Variants in PPP2R2D observed in about 807,000 individuals in gnomAD.
The protein encoded by PPP2R2D is serine/threonine-protein phosphatase 2A 55 kDa regulatory subunit B delta isoform.
A neutral mutation model predicts 31.1 loss-of-function variants in PPP2R2D; 9 were observed. The ratio of observed to expected loss-of-function variants is 0.29; its 90% confidence interval spans 0.17 to 0.51. The LOEUF is 0.51. Among genes scored for constraint, PPP2R2D ranks in the 20% least tolerant of loss-of-function variants. The pLI, the probability that PPP2R2D is intolerant of heterozygous loss-of-function variation, is 0.98. For missense variants in PPP2R2D, 391 were observed against 465.6 expected (o/e 0.84, Z 1.48); for synonymous variants, 179 against 172.6 (o/e 1.04, Z -0.29).
chr10:131,949,777 T>C (rs1554898576), intron 8 of PPP2R2D, among the ~76,000 whole-genome samples: 1 of 119,586 alleles, frequency 8.4e-6, no homozygotes, highest in East Asian at 2.5e-4. Context: ...TGGAAAGGAG[T>C]CAGAGAACAT....
At chr10:131,937,944 C>T (rs145596461) in intron 3 of PPP2R2D, among the ~76,000 whole-genome samples, 306 of 152,268 alleles carry the variant, frequency 2.0e-3, no homozygotes, top group Non-Finnish European at 2.5e-3. Context: ...AGCTCCTGCC[C>T]GTGGAGGCTT....
intron 2 of PPP2R2D, among the ~76,000 whole-genome samples, chr10:131,902,464 C>T (rs1324194412): frequency 6.6e-6 from 1 of 152,132 alleles, no homozygotes; most frequent in Non-Finnish European, 1.5e-5. Flanking sequence ...AGATTCTGCG[C>T]CCCCTGGGAC....
At position 131,901,460 on chromosome 10, in the gene PPP2R2D, AGGGGCCGAGCTG is replaced by A. The variant is rs2119680741; in HGVS notation, c.100+138_100+149del. ...ATGGGGGCCGGGCGGGGCAGGGGCC[AGGGGCCGAGCTG>A]GGGGCCGTGATCGGGGGGCGGCCGT... On this transcript the variant is annotated intron_variant, in intron 2 of 8. Coordinates refer to ENST00000455566, the MANE Select transcript of PPP2R2D (RefSeq NM_018461.5). 6 of 319,492 alleles carry A rather than the reference AGGGGCCGAGCTG, an allele frequency of 1.9e-5. No individual in the cohort carries two copies. In the East Asian group the frequency reaches 2.9e-4, roughly 15 times the overall value. 19.8% of individuals were successfully genotyped at this position (319,492 alleles called of 1,614,324 possible). A position where few individuals can be genotyped will look rare whatever the true frequency, so the allele number is the denominator to read the frequency against.
At chr10:131,919,098 G>C (rs373341080) in intron 2 of PPP2R2D, among the ~76,000 whole-genome samples, 10 of 96,088 alleles carry the variant, frequency 1.0e-4, no homozygotes, top group South Asian at 4.0e-4. Context: ...TTGTAGGGAC[G>C]TCAGGCGGCT....
At chr10:131,961,855 A>C (rs2036924840), downstream of PPP2R2D, among the ~76,000 whole-genome samples, 1 of 151,766 alleles carries the variant, frequency 6.6e-6, no homozygotes. Context: ...CATTATCTTA[A>C]GGACTGACAG....
At chr10:131,902,485 T>G (rs1170289360) in intron 2 of PPP2R2D, among the ~76,000 whole-genome samples, 4 of 152,182 alleles carry the variant, frequency 2.6e-5, no homozygotes, top group African/African-American at 9.7e-5. Context: ...AAACAGGGCC[T>G]AGGTTATTAA....
Position 131,945,365 on chromosome 10 carries a change from G to A in PPP2R2D, c.726G>A (p.Pro242=), listed in dbSNP as rs546890110. 1.7e-5 allele frequency: 27 copies of A among 1,614,152 alleles called. No individual in the cohort carries two copies. The East Asian group carries it at 5.1e-4, about 31-fold the overall frequency. The change falls in exon 7 of 9, where the codon CCG becomes CCA. Residue 242 remains proline, a synonymous_variant. Coordinates refer to ENST00000455566, the MANE Select transcript of PPP2R2D (RefSeq NM_018461.5). The surrounding 1 kb of genome is among the most constrained non-coding windows in gnomAD (Gnocchi z 4.8). ...TEVITAAEFH[P]HQCNVFVYSS... ...TCATCACTGCAGCCGAGTTCCACCC[G>A]CACCAGTGCAACGTGTTCGTCTACA...
chr10:131,948,105 G>A (rs1554898307), intron 8 of PPP2R2D, among the ~76,000 whole-genome samples: 1 of 152,172 alleles, frequency 6.6e-6, no homozygotes, highest in African/African-American at 2.4e-5. Flanking sequence ...GAGTGAAAAG[G>A]AAGGAAGTGG....
intron 8 of PPP2R2D, among the ~76,000 whole-genome samples, chr10:131,952,243 TGGG>T (rs1554898929): frequency 0.012 from 206 of 17,330 alleles, 6 homozygotes; most frequent in Middle Eastern, 0.11. Context: ...AGCAGTGACT[TGGG>T]GGGTCCCTGT....
chr10:131,937,403 A>G (rs1554896653), intron 3 of PPP2R2D, among the ~76,000 whole-genome samples: 1 of 152,182 alleles, frequency 6.6e-6, no homozygotes, highest in African/African-American at 2.4e-5. Context: ...AGAAATCAGC[A>G]CGTCCAAAAA....
chr10:131,945,148 A>G lies in PPP2R2D; in HGVS notation c.656-147A>G. 1.1e-6 allele frequency: 1 copy of G among 914,028 alleles called. No homozygotes were observed. Among genetic ancestry groups the G allele is most frequent in the Non-Finnish European group, 1.6e-6 (1 of 629,852 alleles). The allele number at this position is 914,028 out of a possible 1,614,324, so 56.6% of individuals were successfully genotyped here. ...ATCCCCTTACCAGGCGCTCCTTTGG[A>G]ATTCGGGATGTGTAACCAGCCTTCT... On this transcript the variant is annotated intron_variant, in intron 6 of 8. Transcript: ENST00000455566. This position sits in a 1 kb window ranked among gnomAD's most constrained non-coding sequence, Gnocchi z 4.8.
rs540356443 is a variant in PPP2R2D at position 131,946,214 on chromosome 10, C to G, written c.820+755C>G. Among the ~76,000 whole-genome samples the G allele has an allele frequency of 2.0e-5, 3 of 152,364 alleles. No individual in the cohort carries two copies. In the East Asian group the frequency reaches 5.8e-4, roughly 29 times the overall value. ...AAGTCTAGCATTTTAATCCAGTGAGCTTTCAAGCTCCTTTTAGGTGAGGGA... is the reference window on the plus strand; with the variant it reads ...AAGTCTAGCATTTTAATCCAGTGAGGTTTCAAGCTCCTTTTAGGTGAGGGA... On this transcript the variant is annotated intron_variant, in intron 7 of 8. Transcript: ENST00000455566.
chr10:131,957,233 T>A lies in PPP2R2D; in HGVS notation c.*1270T>A, dbSNP rs1554900160. The stretch of plus-strand genomic sequence containing the variant: ...GTCCGCCTGTGGAGATGAAGGTGTG[T>A]GTTGATTCCTCCTGCTGCTGTGGAG... On this transcript the variant is annotated 3_prime_UTR_variant, in exon 9 of 9. Transcript: ENST00000455566. The A allele has an allele frequency of 6.3e-6, 1 of 158,096 alleles. No homozygotes were observed. Among genetic ancestry groups the A allele is most frequent in the African/African-American group, 2.5e-5 (1 of 39,910 alleles). 9.8% of individuals were successfully genotyped at this position (158,096 alleles called of 1,614,324 possible). A position where few individuals can be genotyped will look rare whatever the true frequency, so the allele number is the denominator to read the frequency against.
intron 3 of PPP2R2D, chr10:131,935,118 G>GCTTCCCGGTCACGGCACTGC (rs1183683078): frequency 8.3e-6 from 3 of 360,722 alleles, no homozygotes; most frequent in African/African-American, 6.4e-5. Flanking sequence ...GCAAGCACTG[G>GCTTCCCGGTCACGGCACTGC]CTTCCCGGTC....
downstream of PPP2R2D, among the ~76,000 whole-genome samples, chr10:131,963,547 G>A (rs1174605367): frequency 1.3e-5 from 2 of 152,258 alleles, no homozygotes; most frequent in South Asian, 4.1e-4. Flanking sequence ...CTCACTGCGC[G>A]CGTCTGGGCG....
chr10:131,908,813 T>C (rs2119727357), intron 2 of PPP2R2D, among the ~76,000 whole-genome samples: 1 of 152,344 alleles, frequency 6.6e-6, no homozygotes, highest in South Asian at 2.1e-4. Context: ...AATAGCTGAC[T>C]CTGTCACTTC....
chr10:131,921,343 C>T (rs138129102), intron 2 of PPP2R2D, among the ~76,000 whole-genome samples: 10 of 152,286 alleles, frequency 6.6e-5, no homozygotes, highest in Non-Finnish European at 1.2e-4. Flanking sequence ...TGAGTAAAGG[C>T]GCTGCCCCAC....
intron 2 of PPP2R2D, among the ~76,000 whole-genome samples, chr10:131,920,825 A>T (rs1195028285): frequency 1.3e-5 from 2 of 152,160 alleles, no homozygotes; most frequent in Non-Finnish European, 2.9e-5. Context: ...GCTACTCAGG[A>T]GGCTGAGGCA....
the PPP2R2D span, among the ~76,000 whole-genome samples, chr10:131,965,274 C>T: frequency 6.6e-6 from 1 of 152,120 alleles, no homozygotes; most frequent in Non-Finnish European, 1.5e-5. Context: ...GGAGGCTGGG[C>T]GCCAAGAGCA....
Sources: allele counts gnomAD v4.1 joint callset (sites outside exome capture counted in the v4.1 genomes callset), GRCh38; gene constraint gnomAD v4.1.1; non-coding constraint Gnocchi (gnomAD v3.1); transcripts MANE v1.5; gene names NCBI Gene and HGNC (gene_info 2026-07-23, HGNC 2026-07-21).